Variants in ATP10B observed in about 807,000 individuals in gnomAD.
The protein encoded by ATP10B is phospholipid-transporting ATPase VB.
A neutral mutation model predicts 141.2 loss-of-function variants in ATP10B; 122 were observed. The observed-to-expected ratio is 0.86, with a 90% CI of 0.75 to 1.00. ATP10B has a LOEUF of 1.00. Among genes scored for constraint, ATP10B ranks in the 50% least tolerant of loss-of-function variants. The pLI, the probability that ATP10B is intolerant of heterozygous loss-of-function variation, is 0.00. For missense variants in ATP10B, 1,876 were observed against 1,825.3 expected (o/e 1.03, Z -0.51); for synonymous variants, 685 against 692.0 (o/e 0.99, Z 0.16).
chr5:160,776,736 TTCAG>T (rs1231358568), intron 2 of ATP10B, among the ~76,000 whole-genome samples: 3 of 152,196 alleles, frequency 2.0e-5, no homozygotes, highest in Admixed American at 2.0e-4. Context: ...AAGGGAAAGG[TTCAG>T]TCAGCCTAGT....
rs200152278 is a variant in ATP10B, at chr5:160,845,045, T to C, written c.-576+6896A>G. Reference sequence around the variant, plus strand: ...TATTTGTTTCATGTTGACTTTTGTGTGTACTTGCTTTTAATCACAGATACT... The same window carrying C: ...TATTTGTTTCATGTTGACTTTTGTGCGTACTTGCTTTTAATCACAGATACT... On this transcript the variant is annotated intron_variant, in intron 1 of 25. Transcript: ENST00000327245. 3.3e-5 allele frequency among the ~76,000 whole-genome samples: 5 copies of C among 152,322 alleles called. No individual in the cohort carries two copies. In the East Asian group the frequency reaches 9.6e-4, roughly 29 times the overall value.
At position 160,564,424 on chromosome 5, in the gene ATP10B, G is replaced by A. The variant is rs1754422710; in HGVS notation, c.*1029C>T. ...CTTGCTCTGACTCTAACTGATGCAG[G>A]CCAGTGTCTTCCAGAGGCTGGAAGG... On this transcript the variant is annotated 3_prime_UTR_variant, in exon 26 of 26. Coordinates refer to ENST00000327245, the MANE Select transcript of ATP10B (RefSeq NM_025153.3). 1 of 152,064 alleles carries A rather than the reference G, an allele frequency of 6.6e-6. No individual in the cohort carries two copies. Among genetic ancestry groups the A allele is most frequent in the South Asian group, 2.1e-4 (1 of 4,820 alleles). 9.4% of individuals were successfully genotyped at this position (152,064 alleles called of 1,614,324 possible).
the ATP10B span, among the ~76,000 whole-genome samples, chr5:160,862,919 A>G: frequency 1.3e-5 from 2 of 152,134 alleles, no homozygotes; most frequent in African/African-American, 4.8e-5. Flanking sequence ...TGTATCAAAT[A>G]TTGATTACAT....
intron 2 of ATP10B, among the ~76,000 whole-genome samples, chr5:160,769,680 CT>C (rs1363116187): frequency 6.6e-6 from 1 of 152,202 alleles, no homozygotes; most frequent in East Asian, 1.9e-4. Context: ...AATTCACCTC[CT>C]GAGGACCACT....
chr5:160,697,482 A>G (rs1271835421), intron 3 of ATP10B, among the ~76,000 whole-genome samples: 1 of 152,178 alleles, frequency 6.6e-6, no homozygotes, highest in Admixed American at 6.5e-5. Context: ...TCCCAATGGG[A>G]AGAACAAGAG....
At chr5:160,756,709 T>G (rs1189533398) in intron 2 of ATP10B, among the ~76,000 whole-genome samples, 1 of 152,112 alleles carries the variant, frequency 6.6e-6, no homozygotes, top group East Asian at 1.9e-4. Flanking sequence ...TTAATGGTTG[T>G]GGGTACATAG....
At chr5:160,652,906 T>C (rs1275402314) in intron 7 of ATP10B, among the ~76,000 whole-genome samples, 1 of 71,884 alleles carries the variant, frequency 1.4e-5, no homozygotes, top group Non-Finnish European at 2.3e-5. Context: ...ATATATTATA[T>C]ATACATGTAT....
At chr5:160,723,962 A>C (rs1420101817) in intron 2 of ATP10B, among the ~76,000 whole-genome samples, 1 of 152,230 alleles carries the variant, frequency 6.6e-6, no homozygotes, top group Non-Finnish European at 1.5e-5. Flanking sequence ...AAAAAAGAAT[A>C]ATATTATGTC....
intron 7 of ATP10B, among the ~76,000 whole-genome samples, chr5:160,664,200 A>G (rs1435092335): frequency 6.6e-6 from 1 of 152,228 alleles, no homozygotes; most frequent in East Asian, 1.9e-4. Flanking sequence ...GTGCAAATCT[A>G]GCAGGAAAGA....
chr5:160,756,146 ATT>A (rs76308583), intron 2 of ATP10B, among the ~76,000 whole-genome samples: 6 of 150,106 alleles, frequency 4.0e-5, no homozygotes, highest in East Asian at 3.9e-4. Context: ...TGCATTATGT[ATT>A]TTTTTTTTAT....
chr5:160,632,508 G>T, intron 12 of ATP10B, 141 bp from the exon 13 acceptor site: 1 of 711,836 alleles, frequency 1.4e-6, no homozygotes, highest in Non-Finnish European at 2.4e-6. Context: ...GGGCTACCAA[G>T]ACTGGAGAAA....
intron 9 of ATP10B, among the ~76,000 whole-genome samples, chr5:160,643,021 C>A (rs938562734): frequency 2.3e-5 from 2 of 88,538 alleles, no homozygotes; most frequent in African/African-American, 3.5e-5. Flanking sequence ...TTTTTTGGTA[C>A]AGTGGAGATT....
intron 2 of ATP10B, among the ~76,000 whole-genome samples, chr5:160,784,656 C>A (rs1266116662): frequency 6.6e-6 from 1 of 152,092 alleles, no homozygotes; most frequent in Non-Finnish European, 1.5e-5. Flanking sequence ...GGTTTTATAT[C>A]TAGAGTCTAA....
the ATP10B span, among the ~76,000 whole-genome samples, chr5:160,917,325 A>C: frequency 7.2e-6 from 1 of 139,256 alleles, no homozygotes; most frequent in Non-Finnish European, 1.5e-5. Flanking sequence ...GCCACCACTC[A>C]TTCATGTGTG....
At chr5:160,660,839 G>A (rs533509109) in intron 7 of ATP10B, among the ~76,000 whole-genome samples, 18 of 152,210 alleles carry the variant, frequency 1.2e-4, no homozygotes, top group Middle Eastern at 6.8e-3. Context: ...AAAGTATAGC[G>A]GTCAGAAAAA....
chr5:160,802,020 G>T (rs1005519688), intron 1 of ATP10B, among the ~76,000 whole-genome samples: 2 of 152,206 alleles, frequency 1.3e-5, no homozygotes, highest in Non-Finnish European at 2.9e-5. Context: ...GCATAGTAGA[G>T]TTCCCATTGA....
chr5:160,607,865 C>G (rs1321300328), intron 18 of ATP10B, among the ~76,000 whole-genome samples: 1 of 151,986 alleles, frequency 6.6e-6, no homozygotes, highest in Admixed American at 6.5e-5. Flanking sequence ...CAAATTTATT[C>G]TTGATATCAA....
chr5:160,659,301 T>C (rs1305097691), intron 7 of ATP10B, among the ~76,000 whole-genome samples: 1 of 151,864 alleles, frequency 6.6e-6, no homozygotes, highest in African/African-American at 2.4e-5. Flanking sequence ...CCGTCTCTAC[T>C]AAAAATACAA....
chr5:160,685,467 T>C, intron 6 of ATP10B: 1 of 347,284 alleles, frequency 2.9e-6, no homozygotes, highest in Non-Finnish European at 5.1e-6. Flanking sequence ...ACAGGTGTCT[T>C]CCTTTTCCAC....
Sources: gnomAD v4.1 joint callset for allele counts (sites outside exome capture counted in the v4.1 genomes callset) on GRCh38, gnomAD v4.1.1 for gene constraint, MANE v1.5 for transcripts, NCBI Gene and HGNC (gene_info 2026-07-23, HGNC 2026-07-21) for gene names.